ACTG2: variants seen among roughly 807,000 people sequenced by gnomAD.
ACTG2 encodes actin, gamma-enteric smooth muscle.
Under a neutral mutation model 37.6 loss-of-function variants are expected in ACTG2, and 16 were observed. The ratio of observed to expected loss-of-function variants is 0.43; its 90% CI spans 0.29 to 0.65. The LOEUF (loss-of-function observed/expected upper bound fraction) is 0.65. ACTG2 is among the 30% of genes least tolerant of loss of function. ACTG2 has a pLI of 0.18. For missense variants in ACTG2, 238 were observed against 490.9 expected (o/e 0.48, Z 4.87); for synonymous variants, 181 against 179.9 (o/e 1.01, Z -0.05).
chr2:73,894,415 G>A (rs1679696786), intron 1 of ACTG2, among the ~76,000 whole-genome samples: 1 of 152,170 alleles, frequency 6.6e-6, no homozygotes, highest in Admixed American at 6.5e-5. Flanking sequence ...GATCCTACAT[G>A]CCAGGCCTGA....
intron 1 of ACTG2, among the ~76,000 whole-genome samples, chr2:73,899,141 C>G (rs1679822768): frequency 6.6e-6 from 1 of 151,948 alleles, no homozygotes; most frequent in Non-Finnish European, 1.5e-5. Flanking sequence ...TGATTGAAAC[C>G]CACATATAGG....
intron 1 of ACTG2, among the ~76,000 whole-genome samples, chr2:73,897,913 C>A (rs1679784494): frequency 6.6e-6 from 1 of 152,220 alleles, no homozygotes; most frequent in African/African-American, 2.4e-5. Context: ...TTAGTCCATT[C>A]AAGAGGGCAG....
intron 8 of ACTG2, among the ~76,000 whole-genome samples, chr2:73,918,823 C>T (rs1240517480): frequency 6.6e-6 from 1 of 152,232 alleles, no homozygotes. Context: ...CCAACCTGCC[C>T]ATGCTTCCAA....
At chr2:73,899,101 C>T (rs932565156) in intron 1 of ACTG2, among the ~76,000 whole-genome samples, 7 of 152,092 alleles carry the variant, frequency 4.6e-5, no homozygotes, top group South Asian at 2.1e-4. Context: ...TGAGCCACCG[C>T]GCCCGGCCAC....
At position 73,908,502 on chromosome 2, in the gene ACTG2, G is replaced by C. The variant is rs1680061117; in HGVS notation, c.256-171G>C. On this transcript the variant is annotated intron_variant, in intron 3 of 8. Transcript: ENST00000345517. Reference sequence around the variant, plus strand: ...TCCTACCTGGGGCCCTGTTGAGAAGGAGTATACCCTTTAAATGTCAATCAG... The same window carrying C: ...TCCTACCTGGGGCCCTGTTGAGAAGCAGTATACCCTTTAAATGTCAATCAG... The C allele has an allele frequency of 4.7e-6, 3 of 640,638 alleles. No homozygotes were observed. The South Asian group carries it at 5.4e-5, about 12-fold the overall frequency. The allele number at this position is 640,638 out of a possible 1,614,324, so 39.7% of individuals were successfully genotyped here.
At chr2:73,908,503 A>C in intron 3 of ACTG2, 170 bp from the exon 4 acceptor site, 1 of 641,348 alleles carries the variant, frequency 1.6e-6, no homozygotes, top group Non-Finnish European at 2.8e-6. Flanking sequence ...GTTGAGAAGG[A>C]GTATACCCTT....
chr2:73,898,791 C>CTTTTTTTTTTTT (rs1183989476), intron 1 of ACTG2, among the ~76,000 whole-genome samples: 1 of 92,894 alleles, frequency 1.1e-5, no homozygotes, highest in Admixed American at 1.0e-4. Context: ...TTTTTCTTTT[C>CTTTTTTTTTTTT]TTTTTTTTTT....
At chr2:73,895,313 G>T (rs1240265678) in intron 1 of ACTG2, among the ~76,000 whole-genome samples, 1 of 152,098 alleles carries the variant, frequency 6.6e-6, no homozygotes, top group Non-Finnish European at 1.5e-5. Flanking sequence ...AGAAGATAAG[G>T]CACCCACGAC....
chr2:73,902,204 G>A (rs1679906793), intron 2 of ACTG2, among the ~76,000 whole-genome samples, 156 bp from the exon 3 acceptor site: 1 of 152,110 alleles, frequency 6.6e-6, no homozygotes, highest in African/African-American at 2.4e-5. Flanking sequence ...CATACTCACT[G>A]GCATCTGCTC....
intron 3 of ACTG2, among the ~76,000 whole-genome samples, chr2:73,904,248 C>CAAAAAA (rs61261289): frequency 4.6e-4 from 30 of 65,198 alleles, no homozygotes; most frequent in Non-Finnish European, 5.0e-4. Flanking sequence ...GACCATGTCT[C>CAAAAAA]AAAAAAAAAA....
chr2:73,896,153 G>A (rs1679742798), intron 1 of ACTG2, among the ~76,000 whole-genome samples: 1 of 152,090 alleles, frequency 6.6e-6, no homozygotes, highest in Admixed American at 6.6e-5. Context: ...GGGCAACATA[G>A]CAAGACCCTG....
intron 1 of ACTG2, among the ~76,000 whole-genome samples, chr2:73,893,465 G>A (rs1355339502): frequency 6.6e-6 from 1 of 152,234 alleles, no homozygotes; most frequent in African/African-American, 2.4e-5. Context: ...GCCAACAGTG[G>A]TCCTGGTGTC....
At chr2:73,900,223 C>T (rs1679847215) in intron 1 of ACTG2, among the ~76,000 whole-genome samples, 1 of 152,226 alleles carries the variant, frequency 6.6e-6, no homozygotes, top group Non-Finnish European at 1.5e-5. Context: ...GCCTGCCCAG[C>T]CCCTCAGCTG....
intron 8 of ACTG2, 26 bp from the exon 9 acceptor site, chr2:73,919,406 T>C (rs1297450249): frequency 1.2e-6 from 2 of 1,610,794 alleles, no homozygotes; most frequent in South Asian, 2.2e-5. Context: ...GGACTGATCA[T>C]GATTCACCAC....
intron 3 of ACTG2, chr2:73,908,432 A>G: frequency 1.7e-6 from 1 of 597,770 alleles, no homozygotes; most frequent in South Asian, 1.5e-5. Context: ...GGGAAGGTCA[A>G]ATGGAAATAA....
intron 5 of ACTG2, among the ~76,000 whole-genome samples, chr2:73,913,266 A>G (rs1041128153): frequency 6.6e-6 from 1 of 152,166 alleles, no homozygotes; most frequent in Non-Finnish European, 1.5e-5. Context: ...AAAAAAGGAC[A>G]CATTTTACTT....
chr2:73,905,431 AAC>A (rs752454446), intron 3 of ACTG2, among the ~76,000 whole-genome samples: 6 of 152,196 alleles, frequency 3.9e-5, no homozygotes, highest in Non-Finnish European at 8.8e-5. Flanking sequence ...GATTAATATG[AAC>A]AGTTAATGCA....
At chr2:73,909,896 A>G (rs1418990386) in intron 5 of ACTG2, among the ~76,000 whole-genome samples, 1 of 152,208 alleles carries the variant, frequency 6.6e-6, no homozygotes, top group Non-Finnish European at 1.5e-5. Flanking sequence ...AACACTGTAC[A>G]CATCGGCTGT....
At chr2:73,904,738 ATT>A (rs1558624148) in intron 3 of ACTG2, among the ~76,000 whole-genome samples, 1 of 79,926 alleles carries the variant, frequency 1.3e-5, no homozygotes, top group South Asian at 4.6e-4. Context: ...TCTATAAATC[ATT>A]GTGTGTGTGT....
Sources: allele counts gnomAD v4.1 joint callset (sites outside exome capture counted in the v4.1 genomes callset), GRCh38; gene constraint gnomAD v4.1.1; transcripts MANE v1.5; gene names NCBI Gene and HGNC (gene_info 2026-07-23, HGNC 2026-07-21).